EBF1: variants seen among roughly 807,000 people sequenced by gnomAD.
EBF1 encodes transcription factor COE1.
EBF1 carries 10 observed loss-of-function variants against 68.4 expected under a neutral mutation model. That is an observed-to-expected ratio of 0.15 (90% CI 0.09 to 0.25). EBF1 has a LOEUF of 0.25. Ranked by LOEUF, EBF1 falls within the 10% of genes least tolerant of loss-of-function variation. The probability of loss-of-function intolerance (pLI) is 1.00; values close to 1 mark genes in which losing one functional copy is unlikely to be tolerated. For synonymous variants in EBF1, 298 were observed against 299.8 expected (o/e 0.99, Z 0.06); for missense variants, 509 against 794.4 (o/e 0.64, Z 4.32).
chr5:159,050,986 C>A (rs1259584517), intron 6 of EBF1, among the ~76,000 whole-genome samples: 1 of 152,140 alleles, frequency 6.6e-6, no homozygotes, highest in East Asian at 1.9e-4. Context: ...GAACACCAGG[C>A]CCCAGGGTTT....
At chr5:158,917,366 G>T (rs922360255) in intron 6 of EBF1, among the ~76,000 whole-genome samples, 1 of 152,056 alleles carries the variant, frequency 6.6e-6, no homozygotes, top group African/African-American at 2.4e-5. Flanking sequence ...TATAACACTC[G>T]GAGGATTTCT....
intron 6 of EBF1, among the ~76,000 whole-genome samples, chr5:159,066,696 A>G (rs1182531517): frequency 6.6e-6 from 1 of 151,978 alleles, no homozygotes; most frequent in African/African-American, 2.4e-5. Flanking sequence ...TTAAAATTCT[A>G]TTAGAATAAG....
intron 6 of EBF1, among the ~76,000 whole-genome samples, chr5:158,891,138 T>TG (rs1383659769): frequency 6.6e-6 from 1 of 152,238 alleles, no homozygotes; most frequent in Non-Finnish European, 1.5e-5. Context: ...TTTGTGTGTG[T>TG]TTGTTTGTTT....
At chr5:159,044,192 C>A (rs1771849486) in intron 6 of EBF1, among the ~76,000 whole-genome samples, 1 of 152,090 alleles carries the variant, frequency 6.6e-6, no homozygotes, top group Non-Finnish European at 1.5e-5. Context: ...ACATAGAATA[C>A]CCACTAATGT....
intron 6 of EBF1, among the ~76,000 whole-genome samples, chr5:158,996,640 C>T (rs1229220239): frequency 6.6e-6 from 1 of 152,126 alleles, no homozygotes; most frequent in Non-Finnish European, 1.5e-5. Context: ...CTTGAAAACA[C>T]TTAATATTTA....
In EBF1 at chr5:158,844,191, T is replaced by TA. The variant is rs796537490; in HGVS notation, c.555-4082_555-4081insT. Among the ~76,000 whole-genome samples the TA allele has an allele frequency of 3.9e-3, 580 of 150,410 alleles. 8 individuals are homozygous for TA. The highest frequency in any genetic ancestry group is 0.014 in the African/African-American group (558 of 41,052). ...CAAACTCCTTTTTAACTCAAGCCTT[T>TA]TTTTTTTTTTTTTTTGAGGGGGAAG... On this transcript the variant is annotated intron_variant, in intron 6 of 15. Coordinates refer to ENST00000313708, the MANE Select transcript of EBF1 (RefSeq NM_024007.5).
chr5:159,006,555 G>A (rs77581390), intron 6 of EBF1, among the ~76,000 whole-genome samples: 7,615 of 148,044 alleles, frequency 0.051, 266 homozygotes, highest in Non-Finnish European at 0.072. Flanking sequence ...ACAAAGCAAC[G>A]TGGGAATCCG....
chr5:158,727,127 G>A (rs1030709706), intron 11 of EBF1, among the ~76,000 whole-genome samples: 2 of 152,332 alleles, frequency 1.3e-5, no homozygotes, highest in South Asian at 2.1e-4. Flanking sequence ...CTTCTGACTT[G>A]AGAGCCCACT....
At chr5:159,029,955 T>C (rs1233638161) in intron 6 of EBF1, among the ~76,000 whole-genome samples, 1 of 147,198 alleles carries the variant, frequency 6.8e-6, no homozygotes, top group Non-Finnish European at 1.5e-5. Context: ...CAAAACTCCT[T>C]CTAAAAAAAA....
At chr5:158,807,219 G>A (rs988561209) in intron 8 of EBF1, among the ~76,000 whole-genome samples, 2 of 152,058 alleles carry the variant, frequency 1.3e-5, no homozygotes, top group South Asian at 2.1e-4. Flanking sequence ...TAGGAACAAC[G>A]ATTAATCTCC....
intron 6 of EBF1, among the ~76,000 whole-genome samples, chr5:158,963,299 C>T (rs2127539948): frequency 6.6e-6 from 1 of 152,286 alleles, no homozygotes; most frequent in Middle Eastern, 3.4e-3. Flanking sequence ...AAAAAACAAA[C>T]ATTTTCCAAC....
chr5:158,987,855 T>A (rs886593051), intron 6 of EBF1, among the ~76,000 whole-genome samples: 1 of 152,198 alleles, frequency 6.6e-6, no homozygotes, highest in African/African-American at 2.4e-5. Flanking sequence ...CAAGGCTAGA[T>A]AGTAAAATAT....
intron 9 of EBF1, among the ~76,000 whole-genome samples, chr5:158,795,995 C>G (rs992086001): frequency 7.2e-5 from 11 of 152,176 alleles, no homozygotes; most frequent in African/African-American, 2.7e-4. Context: ...AGATTACACC[C>G]TTGCTAAAAC....
chr5:159,040,567 G>A (rs529231851), intron 6 of EBF1, among the ~76,000 whole-genome samples: 154 of 152,216 alleles, frequency 1.0e-3, no homozygotes, highest in Non-Finnish European at 1.6e-3. Context: ...CTGGAAACAG[G>A]GAAAGCATCC....
At chr5:158,964,981 G>A (rs890889918) in intron 6 of EBF1, among the ~76,000 whole-genome samples, 4 of 152,176 alleles carry the variant, frequency 2.6e-5, no homozygotes, top group South Asian at 4.1e-4. Context: ...CATGTGATGC[G>A]TCAAACAAAT....
intron 6 of EBF1, among the ~76,000 whole-genome samples, chr5:159,030,823 T>C (rs1466401166): frequency 1.3e-5 from 2 of 152,060 alleles, no homozygotes; most frequent in African/African-American, 4.8e-5. Flanking sequence ...AACAGGACTT[T>C]ATGGAGAGTA....
chr5:158,940,390 A>T (rs879768654), intron 6 of EBF1, among the ~76,000 whole-genome samples: 2 of 152,214 alleles, frequency 1.3e-5, no homozygotes, highest in Admixed American at 1.3e-4. Flanking sequence ...TGTGTCCAGA[A>T]CTGTGGTATC....
At chr5:159,007,819 A>G (rs1288143095) in intron 6 of EBF1, among the ~76,000 whole-genome samples, 4 of 152,292 alleles carry the variant, frequency 2.6e-5, no homozygotes, top group Non-Finnish European at 4.4e-5. Flanking sequence ...GGGGTGTTAG[A>G]AACACATAAG....
chr5:158,905,230 A>G (rs1170342425), intron 6 of EBF1, among the ~76,000 whole-genome samples: 1 of 152,138 alleles, frequency 6.6e-6, no homozygotes, highest in Non-Finnish European at 1.5e-5. Context: ...CTGCCGTGTA[A>G]CTCCCAACCA....
Sources: allele counts gnomAD v4.1 joint callset (sites outside exome capture counted in the v4.1 genomes callset), GRCh38; gene constraint gnomAD v4.1.1; transcripts MANE v1.5; gene names NCBI Gene and HGNC (gene_info 2026-07-23, HGNC 2026-07-21).